ITPR1: variants seen among roughly 807,000 people sequenced by gnomAD.
ITPR1 encodes the protein inositol 1,4,5-trisphosphate-gated calcium channel ITPR1.
In ITPR1, 96 loss-of-function variants were observed where a neutral mutation model predicts 318.4. That is an observed-to-expected ratio of 0.30 (90% CI 0.26 to 0.36). The LOEUF (loss-of-function observed/expected upper bound fraction) is 0.36, where lower values mean the gene tolerates loss of function less well. Among genes scored for constraint, ITPR1 ranks in the 10% least tolerant of loss-of-function variants. The probability of loss-of-function intolerance (pLI) is 1.00; values close to 1 mark genes in which losing one functional copy is unlikely to be tolerated. For synonymous variants in ITPR1, 1,312 were observed against 1,289.9 expected (o/e 1.02, Z -0.37); for missense variants, 2,440 against 3,460.2 (o/e 0.71, Z 7.40).
intron 61 of ITPR1, 78 bp downstream of exon 61, chr3:4,837,013 T>C: frequency 5.4e-6 from 7 of 1,291,818 alleles, no homozygotes; most frequent in Non-Finnish European, 7.2e-6. Flanking sequence ...CCAAATCTGA[T>C]GAGGAAAATC....
chr3:4,607,516 G>A (rs1383719048), intron 4 of ITPR1, among the ~76,000 whole-genome samples: 3 of 152,170 alleles, frequency 2.0e-5, no homozygotes, highest in South Asian at 2.1e-4. Flanking sequence ...CAAGGCAGGG[G>A]AATTGCAAGA....
intron 11 of ITPR1, among the ~76,000 whole-genome samples, chr3:4,652,505 A>G (rs1473050801): frequency 6.6e-6 from 1 of 152,140 alleles, no homozygotes; most frequent in Non-Finnish European, 1.5e-5. Context: ...TCGCTTTTAT[A>G]TACGACCCTC....
chr3:4,757,447 C>T (rs1418442931), intron 44 of ITPR1, among the ~76,000 whole-genome samples: 1 of 152,154 alleles, frequency 6.6e-6, no homozygotes, highest in Non-Finnish European at 1.5e-5. Flanking sequence ...CCTGTTTATG[C>T]CTCTGAAAGA....
intron 4 of ITPR1, among the ~76,000 whole-genome samples, chr3:4,602,903 C>T (rs1016328648): frequency 1.3e-5 from 2 of 151,548 alleles, no homozygotes; most frequent in South Asian, 4.2e-4. Flanking sequence ...GGGGATAATG[C>T]AAATGTTCTG....
At chr3:4,704,437 G>A (rs985541438) in intron 36 of ITPR1, among the ~76,000 whole-genome samples, 58 of 152,050 alleles carry the variant, frequency 3.8e-4, no homozygotes, top group Non-Finnish European at 3.2e-4. Context: ...ATCCCTACCT[G>A]TTGGGTACTC....
At chr3:4,639,975 G>C (rs920248973) in intron 6 of ITPR1, among the ~76,000 whole-genome samples, 2 of 152,138 alleles carry the variant, frequency 1.3e-5, no homozygotes, top group Non-Finnish European at 1.5e-5. Flanking sequence ...ACTCTCATGG[G>C]TTGCTTATCC....
chr3:4,550,314 C>T (rs990303989), intron 4 of ITPR1, among the ~76,000 whole-genome samples: 3 of 152,200 alleles, frequency 2.0e-5, no homozygotes, highest in African/African-American at 7.2e-5. Flanking sequence ...GCACAGGTGA[C>T]AGCAAATGGG....
intron 4 of ITPR1, among the ~76,000 whole-genome samples, chr3:4,603,579 G>T (rs1320497636): frequency 1.3e-5 from 2 of 152,184 alleles, no homozygotes; most frequent in African/African-American, 4.8e-5. Flanking sequence ...ACAGGGGCGC[G>T]CCACCACACC....
intron 6 of ITPR1, among the ~76,000 whole-genome samples, chr3:4,640,145 A>G (rs1485450734): frequency 6.6e-6 from 1 of 152,212 alleles, no homozygotes; most frequent in Non-Finnish European, 1.5e-5. Flanking sequence ...AGTAGTTACC[A>G]ACTATTGAGC....
At chr3:4,603,485 A>C (rs551062153) in intron 4 of ITPR1, among the ~76,000 whole-genome samples, 1 of 152,076 alleles carries the variant, frequency 6.6e-6, no homozygotes, top group South Asian at 2.1e-4. Flanking sequence ...GCTGGAGTGC[A>C]GTGGTGCAAT....
rs770550117 is a variant in ITPR1, at chr3:4,662,192, C to T, written c.1362C>T (p.Gly454=). Residue 454 remains glycine (G), a synonymous_variant, in exon 15 of 62, where the codon GGC becomes GGT. Transcript: ENST00000649015. The part of the protein sequence containing the change: ...DFANDASKVL[G]SIAGKLEKGT... ...CCAATGATGCCAGCAAGGTGCTGGG[C>T]TCCATTGCTGGGAAGCTAGAGAAGG... 2 of 1,612,774 alleles carry T rather than the reference C, an allele frequency of 1.2e-6. No homozygotes were observed. Among genetic ancestry groups the T allele is most frequent in the Admixed American group, 1.7e-5 (1 of 59,940 alleles).
chr3:4,788,275 A>C lies in ITPR1; in HGVS notation c.6808+136A>C, dbSNP rs984900567. 8.5e-5 allele frequency: 61 copies of C among 716,044 alleles called. 1 individual carries two copies. The South Asian group carries it at 1.2e-3, about 14-fold the overall frequency. 44.4% of individuals were successfully genotyped at this position (716,044 alleles called of 1,614,324 possible). On this transcript the variant is annotated intron_variant, in intron 52 of 61. Transcript: ENST00000649015. ...ATGATACTTTGCACCTCTGACCACCAGGAAGTCATAACCAGTTTTGCAGCT... is the reference window on the plus strand; with the variant it reads ...ATGATACTTTGCACCTCTGACCACCCGGAAGTCATAACCAGTTTTGCAGCT...
chr3:4,501,024 A>T (rs77849865), intron 2 of ITPR1, among the ~76,000 whole-genome samples: 1 of 92,742 alleles, frequency 1.1e-5, no homozygotes, highest in Non-Finnish European at 2.3e-5. Flanking sequence ...TGGCTAATTT[A>T]AAAAAAAAAT....
At chr3:4,749,728 A>T (rs556303125) in intron 44 of ITPR1, 7 of 152,696 alleles carry the variant, frequency 4.6e-5, no homozygotes, top group South Asian at 2.1e-4. Context: ...AAAAGTTCCC[A>T]TGGTAACTGT....
chr3:4,844,884 TGAA>T, intron 61 of ITPR1, among the ~76,000 whole-genome samples: 1 of 152,246 alleles, frequency 6.6e-6, no homozygotes, highest in Non-Finnish European at 1.5e-5. Context: ...ATGCTAGTTT[TGAA>T]GAAGAAAAAA....
chr3:4,497,159 A>G (rs750552003), intron 2 of ITPR1, among the ~76,000 whole-genome samples: 14 of 152,146 alleles, frequency 9.2e-5, no homozygotes, highest in Non-Finnish European at 2.1e-4. Context: ...CATAACTTCT[A>G]TGATTCCTTA....
rs764257513 is a variant in ITPR1 at position 4,795,221 on chromosome 3, G to C, written c.6931+34G>C. ...ATCTTTAACTTCAAAAATCCTATTA[G>C]AAGCAGCAGGAAGGCTAGGACTTGC... On this transcript the variant is annotated intron_variant, in intron 53 of 61. Transcript: ENST00000649015. 3.1e-6 allele frequency: 5 copies of C among 1,599,876 alleles called. No individual in the cohort carries two copies. In the African/African-American group the frequency reaches 6.7e-5, roughly 21 times the overall value.
Position 4,687,882 on chromosome 3 carries a change from T to C in ITPR1, c.3703-613T>C, listed in dbSNP as rs548149665. Among the ~76,000 whole-genome samples the C allele has an allele frequency of 1.8e-3, 277 of 152,250 alleles. 1 individual carries two copies. Among genetic ancestry groups the C allele is most frequent in the Middle Eastern group, 0.017 (5 of 294 alleles). On this transcript the variant is annotated intron_variant, in intron 30 of 61. Transcript: ENST00000649015. ...GTTACGGCAGGCACAGTTGCTCTAA[T>C]GTGTGATCTCAGGAGATTTCCACTT... is the stretch of plus-strand genomic sequence containing the variant.
chr3:4,660,473 T>C (rs973301314), intron 13 of ITPR1, among the ~76,000 whole-genome samples: 13 of 151,928 alleles, frequency 8.6e-5, no homozygotes, highest in African/African-American at 3.1e-4. Context: ...TTAAACTATG[T>C]AATGAGAGTT....
Sources: allele counts gnomAD v4.1 joint callset (sites outside exome capture counted in the v4.1 genomes callset), GRCh38; gene constraint gnomAD v4.1.1; transcripts MANE v1.5; gene names NCBI Gene and HGNC (gene_info 2026-07-23, HGNC 2026-07-21).